Variants in ZSCAN25 observed in about 807,000 individuals in gnomAD.
ZSCAN25 encodes the protein zinc finger and SCAN domain-containing protein 25.
A neutral mutation model predicts 38.7 loss-of-function variants in ZSCAN25; 27 were observed. The ratio of observed to expected loss-of-function variants is 0.70; its 90% CI spans 0.51 to 0.96. The LOEUF (loss-of-function observed/expected upper bound fraction) is 0.96. ZSCAN25 is among the 40% of genes least tolerant of loss of function. ZSCAN25 has a pLI of 0.00. For missense variants in ZSCAN25, 637 were observed against 705.9 expected (o/e 0.90, Z 1.11); for synonymous variants, 273 against 277.7 (o/e 0.98, Z 0.17).
the ZSCAN25 span, among the ~76,000 whole-genome samples, chr7:99,702,265 T>G: frequency 1.3e-5 from 2 of 152,008 alleles, no homozygotes; most frequent in African/African-American, 4.8e-5. Context: ...AACTTTTGTA[T>G]TTTTTGGTAG....
the ZSCAN25 span, chr7:99,710,596 T>G: frequency 6.7e-7 from 1 of 1,485,190 alleles, no homozygotes; most frequent in Non-Finnish European, 9.0e-7. Flanking sequence ...TCTTTTTATT[T>G]TGAGAGCCTT....
chr7:99,665,283 T>G, the ZSCAN25 span: 11 of 1,614,144 alleles, frequency 6.8e-6, no homozygotes, highest in Non-Finnish European at 9.3e-6. Context: ...GATGTGCCAG[T>G]AATCACATCC....
At chr7:99,657,563 A>G in the ZSCAN25 span, among the ~76,000 whole-genome samples, 5 of 152,286 alleles carry the variant, frequency 3.3e-5, no homozygotes, top group Non-Finnish European at 5.9e-5. Context: ...TATTCTGTTG[A>G]TTTGGGGTGG....
the ZSCAN25 span, chr7:99,709,246 C>G: frequency 3.1e-6 from 5 of 1,613,808 alleles, no homozygotes; most frequent in Non-Finnish European, 3.4e-6. Flanking sequence ...AGCACAGTAT[C>G]ATAGGTGGGT....
the ZSCAN25 span, chr7:99,665,183 G>A: frequency 3.7e-6 from 6 of 1,612,338 alleles, no homozygotes; most frequent in Non-Finnish European, 5.1e-6. Flanking sequence ...GAGAAATAAT[G>A]GATCTAAGAA....
At chr7:99,729,291 A>G in the ZSCAN25 span, among the ~76,000 whole-genome samples, 10 of 152,148 alleles carry the variant, frequency 6.6e-5, no homozygotes, top group South Asian at 2.1e-4. Context: ...CCATGGTACC[A>G]TCCTCTGCCC....
Position 99,629,283 on chromosome 7 carries a change from T to C in ZSCAN25, c.898T>C (p.Ser300Pro), listed in dbSNP as rs1807774540. 6.8e-6 allele frequency: 11 copies of C among 1,614,114 alleles called. No homozygotes were observed. The highest frequency in any genetic ancestry group is 9.3e-6 in the Non-Finnish European group (11 of 1,179,994). Residue 300 changes from serine to proline, a missense_variant, in exon 8 of 8, where the codon TCT becomes CCT. Coordinates refer to ENST00000394152, the MANE Select transcript of ZSCAN25 (RefSeq NM_145115.3). The surrounding 1 kb of genome is among the most constrained non-coding windows in gnomAD (Gnocchi z 5.6). ...ALTSERFGEA[S>P]LQGPGLGRVC... ...GACATCAGAGAGGTTTGGGGAAGCCTCTCTCCAGGGCCCTGGGCTCGGAAG... is the reference window on the plus strand; with the variant it reads ...GACATCAGAGAGGTTTGGGGAAGCCCCTCTCCAGGGCCCTGGGCTCGGAAG...
At chr7:99,717,416 C>G in the ZSCAN25 span, 1 of 1,582,290 alleles carries the variant, frequency 6.3e-7, no homozygotes, top group Admixed American at 1.8e-5. Flanking sequence ...TTTTAGGAAG[C>G]TCAAATTCAG....
At chr7:99,705,380 A>G in the ZSCAN25 span, 1 of 1,125,474 alleles carries the variant, frequency 8.9e-7, no homozygotes, top group Non-Finnish European at 1.3e-6. Context: ...CTGATTATTT[A>G]TGCAGCACAT....
chr7:99,708,722 T>A, the ZSCAN25 span, among the ~76,000 whole-genome samples: 1 of 152,268 alleles, frequency 6.6e-6, no homozygotes, highest in East Asian at 1.9e-4. Context: ...AAATATTCAT[T>A]TGTGGGACAT....
At chr7:99,708,907 T>C in the ZSCAN25 span, 28 of 1,131,450 alleles carry the variant, frequency 2.5e-5, no homozygotes, top group South Asian at 3.3e-4. Context: ...ATTTCATGAT[T>C]TGAAAAAACC....
chr7:99,676,431 G>T, the ZSCAN25 span: 11 of 1,475,568 alleles, frequency 7.5e-6, no homozygotes, highest in Non-Finnish European at 1.0e-5. Flanking sequence ...AGCAGCTGAA[G>T]TCTTCATAGT....
the ZSCAN25 span, chr7:99,638,752 A>T: frequency 9.0e-7 from 1 of 1,112,550 alleles, no homozygotes; most frequent in Non-Finnish European, 1.4e-6. Context: ...GATTTTGCAT[A>T]GCACTTTCCC....
chr7:99,657,059 G>C, the ZSCAN25 span, among the ~76,000 whole-genome samples: 1 of 151,944 alleles, frequency 6.6e-6, no homozygotes, highest in Admixed American at 6.6e-5. Flanking sequence ...TTTTTTGAAG[G>C]GTTTTTTTGT....
the ZSCAN25 span, among the ~76,000 whole-genome samples, chr7:99,715,165 A>T: frequency 6.6e-6 from 1 of 152,248 alleles, no homozygotes; most frequent in South Asian, 2.1e-4. Context: ...TAAGCAACCA[A>T]TAAGTTGAAG....
chr7:99,676,653 C>T, the ZSCAN25 span: 1 of 840,496 alleles, frequency 1.2e-6, no homozygotes, highest in Non-Finnish European at 1.8e-6. Context: ...CACTCAATCA[C>T]AGAGGGTCAC....
intron 5 of ZSCAN25, chr7:99,622,053 T>C: frequency 1.2e-5 from 2 of 162,258 alleles, no homozygotes; most frequent in East Asian, 1.9e-4. Flanking sequence ...GCCTCCCAAG[T>C]AGCTGGGCCT....
the ZSCAN25 span, among the ~76,000 whole-genome samples, chr7:99,708,564 A>C: frequency 6.6e-6 from 1 of 152,062 alleles, no homozygotes. Context: ...TAATTTACAC[A>C]GGCATATGAT....
At chr7:99,708,748 A>G in the ZSCAN25 span, among the ~76,000 whole-genome samples, 2 of 152,130 alleles carry the variant, frequency 1.3e-5, no homozygotes, top group Admixed American at 6.6e-5. Context: ...TAGCATTGTG[A>G]TCATGTGTTT....
Sources: allele counts gnomAD v4.1 joint callset (sites outside exome capture counted in the v4.1 genomes callset), GRCh38; gene constraint gnomAD v4.1.1; non-coding constraint Gnocchi (gnomAD v3.1); transcripts MANE v1.5; gene names NCBI Gene and HGNC (gene_info 2026-07-23, HGNC 2026-07-21).